Variants in CCN5 observed in about 807,000 individuals in gnomAD.
CCN5 encodes CCN family member 5.
Under a neutral mutation model 18.7 loss-of-function variants are expected in CCN5, and 17 were observed. That is an observed-to-expected ratio of 0.91 (90% CI 0.62 to 1.36). The LOEUF is 1.36. CCN5 is among the 40% of genes most tolerant of loss of function. The pLI, the probability that CCN5 is intolerant of heterozygous loss-of-function variation, is 0.00. For missense variants in CCN5, 367 were observed against 342.9 expected (o/e 1.07, Z -0.56); for synonymous variants, 135 against 145.2 (o/e 0.93, Z 0.50).
chr20:44,719,064 G>A (rs774690071), intron 1 of CCN5, among the ~76,000 whole-genome samples: 1 of 152,174 alleles, frequency 6.6e-6, no homozygotes. Flanking sequence ...ATAAGTATCC[G>A]TATGCTGGAA....
chr20:44,726,425 T>G (rs561590447), intron 3 of CCN5, among the ~76,000 whole-genome samples: 1 of 152,062 alleles, frequency 6.6e-6, no homozygotes, highest in Non-Finnish European at 1.5e-5. Context: ...TAGTGACAAT[T>G]GGGGCAAGTA....
intron 2 of CCN5, chr20:44,723,577 C>G (rs1327954131): frequency 2.6e-5 from 4 of 152,136 alleles, no homozygotes; most frequent in Admixed American, 6.5e-5. Flanking sequence ...AACTTGTTTG[C>G]TAATGAGTCC....
rs764930105 is a variant in CCN5, at chr20:44,720,084, G to A, written c.248G>A (p.Gly83Glu). 3 of 1,567,258 alleles carry A rather than the reference G, an allele frequency of 1.9e-6. No homozygotes were observed. Among genetic ancestry groups the A allele is most frequent in the Non-Finnish European group, 2.6e-6 (3 of 1,162,692 alleles). The change falls in exon 2 of 4, where the codon GGA becomes GAA. Residue 83 changes from glycine to glutamate, a missense_variant. Transcript: ENST00000190983. ...SQGLVCQPGA[G>E]PGGRGALCLL... ...GGCCTGGTCTGCCAGCCCGGGGCAG[G>A]ACCCGGTGGCCGGGGGGCCCTGTGC...
intron 2 of CCN5, chr20:44,720,435 C>A: frequency 2.3e-6 from 1 of 442,722 alleles, no homozygotes. Context: ...CAGATGCCAC[C>A]ACTCCCTTCT....
intron 1 of CCN5, 110 bp downstream of exon 1, chr20:44,715,560 A>G (rs1224827981): frequency 1.7e-5 from 21 of 1,202,654 alleles, no homozygotes; most frequent in Non-Finnish European, 2.5e-5. Context: ...CCAGGGCCCC[A>G]CATTGGGCAC....
At chr20:44,720,240 T>C in intron 2 of CCN5, 127 bp downstream of exon 2, 1 of 1,043,960 alleles carries the variant, frequency 9.6e-7, no homozygotes. Flanking sequence ...ATCCCATCCA[T>C]TCCAGCTGAA....
At position 44,722,360 on chromosome 20, in the gene CCN5, C is replaced by T. The variant is rs191663747; in HGVS notation, c.277+2247C>T. 1.8e-4 allele frequency among the ~76,000 whole-genome samples: 27 copies of T among 152,280 alleles called. No individual in the cohort carries two copies. In the East Asian group the frequency reaches 2.9e-3, roughly 16 times the overall value. ...ATCCAATGCCGGGATCCTGATCTTCCGCCCCCCAGAACGGCCTCCCCAGTC... is the reference window on the plus strand; with the variant it reads ...ATCCAATGCCGGGATCCTGATCTTCTGCCCCCCAGAACGGCCTCCCCAGTC... On this transcript the variant is annotated intron_variant, in intron 2 of 3. Coordinates refer to ENST00000190983, the MANE Select transcript of CCN5 (RefSeq NM_003881.4).
chr20:44,715,817 A>G (rs1568877121), intron 1 of CCN5, among the ~76,000 whole-genome samples: 1 of 152,202 alleles, frequency 6.6e-6, no homozygotes, highest in South Asian at 2.1e-4. Context: ...AAGACATGAC[A>G]TGCTTGGCCT....
Position 44,725,063 on chromosome 20 carries a change from T to C in CCN5, c.532+71T>C. ...GCCAAGGGCCACCTAGGGGGTGGGG[T>C]GGGGGGCGGCTTCCTGGGTACCAGG... On this transcript the variant is annotated intron_variant, in intron 3 of 3. Transcript: ENST00000190983. The C allele has an allele frequency of 2.1e-6, 3 of 1,447,922 alleles. No homozygotes were observed. In the South Asian group the frequency reaches 4.6e-5, roughly 22 times the overall value. 89.7% of individuals were successfully genotyped at this position (1,447,922 alleles called of 1,614,324 possible).
chr20:44,726,999 C>A, intron 3 of CCN5, 88 bp from the exon 4 acceptor site: 1 of 1,322,300 alleles, frequency 7.6e-7, no homozygotes, highest in Non-Finnish European at 1.0e-6. Flanking sequence ...AGCCATTTGA[C>A]CAAGATTGCC....
chr20:44,727,444 G>A lies in CCN5; in HGVS notation c.*137G>A. On this transcript the variant is annotated 3_prime_UTR_variant, in exon 4 of 4. Transcript: ENST00000190983. ...CACTTTAGCTTGGGTCCACCATGCA[G>A]AACACCAATATTAACACGCTGCCTG... 1 of 1,441,988 alleles carries A rather than the reference G, an allele frequency of 6.9e-7. No homozygotes were observed. The highest frequency in any genetic ancestry group is 9.2e-7 in the Non-Finnish European group (1 of 1,092,862). The allele number at this position is 1,441,988 out of a possible 1,614,324, so 89.3% of individuals were successfully genotyped here.
At chr20:44,716,045 C>T (rs1747006096) in intron 1 of CCN5, among the ~76,000 whole-genome samples, 1 of 152,252 alleles carries the variant, frequency 6.6e-6, no homozygotes, top group African/African-American at 2.4e-5. Context: ...ACATGCACAA[C>T]AATCCCATAA....
Position 44,718,058 on chromosome 20 carries a change from G to A in CCN5, c.61-1839G>A, listed in dbSNP as rs150091181. 6.1e-3 allele frequency among the ~76,000 whole-genome samples: 929 copies of A among 152,196 alleles called. 6 individuals are homozygous for A. The highest frequency in any genetic ancestry group is 0.018 in the African/African-American group (741 of 41,538). On this transcript the variant is annotated intron_variant, in intron 1 of 3. Transcript: ENST00000190983. ...CCTTGAGGGGCGAGGCTAGGCCATC[G>A]TCTCTAGAATCTGAACAGCCTGCAG...
At chr20:44,725,646 C>A (rs1201524487) in intron 3 of CCN5, among the ~76,000 whole-genome samples, 2 of 151,468 alleles carry the variant, frequency 1.3e-5, no homozygotes, top group African/African-American at 4.9e-5. Flanking sequence ...GAGCTAAGCT[C>A]TTAGAATATA....
rs747202298 is a variant in CCN5, at chr20:44,719,883, C to A, written c.61-14C>A. ...TCGAAAGCCCGTGGCTGAGTGAGGT[C>A]TCTGTCTCTTCAGGTGCGTACCCAG... On this transcript the variant is annotated splice_polypyrimidine_tract_variant and intron_variant, in intron 1 of 3. Transcript: ENST00000190983. 1.2e-6 allele frequency: 2 copies of A among 1,608,018 alleles called. No individual in the cohort carries two copies. The highest frequency in any genetic ancestry group is 1.7e-6 in the Non-Finnish European group (2 of 1,178,286).
chr20:44,720,482 C>T (rs1234199972), intron 2 of CCN5: 1 of 337,264 alleles, frequency 3.0e-6, no homozygotes, highest in Admixed American at 5.0e-5. Flanking sequence ...AATAAAAGTG[C>T]AACCTTTTAG....
chr20:44,715,141 C>G, upstream of CCN5: 1 of 517,716 alleles, frequency 1.9e-6, no homozygotes, highest in Non-Finnish European at 3.5e-6. Flanking sequence ...CCCTTGGTGG[C>G]CTTCACAGTT....
At position 44,719,981 on chromosome 20, in the gene CCN5, G is replaced by T. The variant is rs2065886232; in HGVS notation, c.145G>T (p.Gly49Cys). ...GCTGGGAGTACCCCTGGTGCTGGAT[G>T]GCTGTGGCTGCTGCCGGGTATGTGC... ...CPLGVPLVLD[G>C]CGCCRVCARR... is the part of the protein sequence containing the mutation. Residue 49 changes from glycine to cysteine, a missense_variant, in exon 2 of 4, where the codon GGC becomes TGC. Physicochemically the swap from Gly to Cys is radical, Grantham distance 159. Transcript: ENST00000190983. 6.2e-7 allele frequency: 1 copy of T among 1,613,254 alleles called. No individual in the cohort carries two copies. Among genetic ancestry groups the T allele is most frequent in the Non-Finnish European group, 8.5e-7 (1 of 1,179,934 alleles).
chr20:44,716,382 G>A (rs2065860080), intron 1 of CCN5, among the ~76,000 whole-genome samples: 1 of 152,224 alleles, frequency 6.6e-6, no homozygotes, highest in Admixed American at 6.5e-5. Flanking sequence ...CTCCTTTGAG[G>A]AGCACGGGCA....
Sources: gnomAD v4.1 joint callset for allele counts (sites outside exome capture counted in the v4.1 genomes callset) on GRCh38, gnomAD v4.1.1 for gene constraint, MANE v1.5 for transcripts, NCBI Gene and HGNC (gene_info 2026-07-23, HGNC 2026-07-21) for gene names.